The following TRPM3 variants were observed in gnomAD, a reference collection of about 807,000 sequenced individuals.
The protein encoded by TRPM3 is long transient receptor potential channel 3.
Under a neutral mutation model 181.2 loss-of-function variants are expected in TRPM3, and 77 were observed. That is an observed-to-expected ratio of 0.42 (90% CI 0.35 to 0.51). The LOEUF (loss-of-function observed/expected upper bound fraction) is 0.51. Among genes scored for constraint, TRPM3 ranks in the 20% least tolerant of loss-of-function variants. The probability of loss-of-function intolerance (pLI) is 0.01; values close to 1 mark genes in which losing one functional copy is unlikely to be tolerated. For missense variants in TRPM3, 1,759 were observed against 2,196.7 expected (o/e 0.80, Z 3.98); for synonymous variants, 745 against 796.4 (o/e 0.94, Z 1.09).
intron 8 of TRPM3, among the ~76,000 whole-genome samples, chr9:70,690,736 A>AATG (rs767785572): frequency 2.4e-4 from 37 of 152,244 alleles, no homozygotes; most frequent in South Asian, 6.2e-4. Context: ...CAAGATACGA[A>AATG]ATGATACAAG....
intron 1 of TRPM3, among the ~76,000 whole-genome samples, chr9:70,990,552 A>G (rs1445965079): frequency 6.6e-6 from 1 of 152,114 alleles, no homozygotes; most frequent in Non-Finnish European, 1.5e-5. Flanking sequence ...GATCCAAAAC[A>G]CCCTGGGTTT....
intron 1 of TRPM3, among the ~76,000 whole-genome samples, chr9:71,140,569 T>G (rs1226789828): frequency 6.6e-6 from 1 of 152,202 alleles, no homozygotes; most frequent in Non-Finnish European, 1.5e-5. Flanking sequence ...AAAATATTTT[T>G]ACGTTACAGT....
At chr9:70,548,042 C>T (rs1002955731) in intron 25 of TRPM3, among the ~76,000 whole-genome samples, 6 of 152,206 alleles carry the variant, frequency 3.9e-5, no homozygotes, top group Non-Finnish European at 8.8e-5. Context: ...CCTCTCTTTC[C>T]CTCCAGGTCT....
intron 1 of TRPM3, among the ~76,000 whole-genome samples, chr9:71,228,709 A>G (rs1337717469): frequency 6.6e-6 from 1 of 152,132 alleles, no homozygotes; most frequent in African/African-American, 2.4e-5. Flanking sequence ...AAATAATCAC[A>G]CTTACAATAG....
At chr9:71,141,277 A>C (rs1414550979) in intron 1 of TRPM3, among the ~76,000 whole-genome samples, 1 of 152,180 alleles carries the variant, frequency 6.6e-6, no homozygotes, top group East Asian at 1.9e-4. Flanking sequence ...GATCTTTATT[A>C]ATATCTCTAG....
intron 1 of TRPM3, among the ~76,000 whole-genome samples, chr9:70,947,132 A>C (rs771255624): frequency 3.3e-5 from 5 of 152,206 alleles, no homozygotes; most frequent in African/African-American, 9.6e-5. Context: ...CTTTAGAATA[A>C]ACTGAAAAAA....
chr9:71,241,720 T>C (rs1356979178), intron 1 of TRPM3, among the ~76,000 whole-genome samples: 1 of 152,198 alleles, frequency 6.6e-6, no homozygotes. Flanking sequence ...TTCCGTAACA[T>C]ATTAATGCTT....
chr9:71,287,653 C>G (rs2085415235), intron 1 of TRPM3, among the ~76,000 whole-genome samples: 1 of 149,948 alleles, frequency 6.7e-6, no homozygotes, highest in Non-Finnish European at 1.5e-5. Flanking sequence ...AAAAAAAAGC[C>G]TGGACTATTA....
intron 1 of TRPM3, among the ~76,000 whole-genome samples, chr9:71,279,172 T>C (rs1012040184): frequency 1.6e-4 from 25 of 152,188 alleles, no homozygotes; most frequent in African/African-American, 5.1e-4. Flanking sequence ...AGATGGGCCT[T>C]TACTACAAAT....
intron 1 of TRPM3, among the ~76,000 whole-genome samples, chr9:70,937,378 C>T (rs951233089): frequency 5.3e-5 from 8 of 152,214 alleles, no homozygotes; most frequent in African/African-American, 1.4e-4. Context: ...GTTTATGATT[C>T]TAAATGCAGT....
chr9:71,431,743 C>G (rs1044881152), intron 1 of TRPM3, among the ~76,000 whole-genome samples: 1 of 152,130 alleles, frequency 6.6e-6, no homozygotes, highest in African/African-American at 2.4e-5. Context: ...ACTTGTGCAT[C>G]AAAATAAAAC....
intron 9 of TRPM3, among the ~76,000 whole-genome samples, chr9:70,656,283 A>G (rs1426070177): frequency 6.6e-6 from 1 of 152,236 alleles, no homozygotes; most frequent in Non-Finnish European, 1.5e-5. Flanking sequence ...ATCTTTGTTT[A>G]TGTAATGTTT....
At chr9:70,614,314 TTA>T in intron 18 of TRPM3, among the ~76,000 whole-genome samples, 1 of 42,460 alleles carries the variant, frequency 2.4e-5, no homozygotes, top group Non-Finnish European at 6.3e-5. Flanking sequence ...GGGCAATCTC[TTA>T]AAAAAAAAAA....
intron 1 of TRPM3, among the ~76,000 whole-genome samples, chr9:71,105,177 G>T (rs190405296): frequency 6.6e-6 from 1 of 152,322 alleles, no homozygotes; most frequent in Non-Finnish European, 1.5e-5. Flanking sequence ...GGAGCTTGTT[G>T]AGTGGAAGAA....
At chr9:71,249,540 A>C (rs1487917291) in intron 1 of TRPM3, among the ~76,000 whole-genome samples, 1 of 152,216 alleles carries the variant, frequency 6.6e-6, no homozygotes, top group African/African-American at 2.4e-5. Context: ...ATATACACAC[A>C]CAAATACGCT....
chr9:71,444,712 A>C (rs796120468), intron 1 of TRPM3, among the ~76,000 whole-genome samples: 7 of 152,354 alleles, frequency 4.6e-5, no homozygotes, highest in African/African-American at 1.7e-4. Context: ...TTGCATAGAT[A>C]AGTTGGGTGT....
intron 6 of TRPM3, among the ~76,000 whole-genome samples, chr9:70,811,472 G>C (rs2092026958): frequency 6.6e-6 from 1 of 152,160 alleles, no homozygotes; most frequent in Non-Finnish European, 1.5e-5. Flanking sequence ...TTTGCTGGAG[G>C]AAGTATCATT....
At chr9:71,074,662 A>C (rs745893865) in intron 1 of TRPM3, among the ~76,000 whole-genome samples, 7 of 152,222 alleles carry the variant, frequency 4.6e-5, no homozygotes, top group Non-Finnish European at 8.8e-5. Flanking sequence ...TGTAAGCATT[A>C]AAAGAGATGA....
intron 3 of TRPM3, among the ~76,000 whole-genome samples, chr9:70,858,616 A>G (rs1011360822): frequency 6.6e-6 from 1 of 152,020 alleles, no homozygotes; most frequent in Admixed American, 6.6e-5. Flanking sequence ...ATTGGTTCTC[A>G]TTTGGCTGAT....
Sources: gnomAD v4.1 joint callset for allele counts (sites outside exome capture counted in the v4.1 genomes callset) on GRCh38, gnomAD v4.1.1 for gene constraint, MANE v1.5 for transcripts, NCBI Gene and HGNC (gene_info 2026-07-23, HGNC 2026-07-21) for gene names.